Variants in MBOAT2 observed in about 807,000 individuals in gnomAD.
MBOAT2 encodes the protein membrane-bound glycerophospholipid O-acyltransferase 2.
In MBOAT2, 28 loss-of-function variants were observed where a neutral mutation model predicts 63.4. The ratio of observed to expected loss-of-function variants is 0.44; its 90% CI spans 0.33 to 0.61. The LOEUF is 0.61. MBOAT2 is among the 20% of genes least tolerant of loss of function. The probability of loss-of-function intolerance (pLI) is 0.03; values close to 1 mark genes in which losing one functional copy is unlikely to be tolerated. For missense variants in MBOAT2, 470 were observed against 605.8 expected, an observed-to-expected ratio of 0.78 and a Z score of 2.35; for synonymous variants, 211 against 215.6, an observed-to-expected ratio of 0.98 and a Z score of 0.19.
At chr2:8,910,536 G>T (rs1665641662) in intron 3 of MBOAT2, among the ~76,000 whole-genome samples, 1 of 152,148 alleles carries the variant, frequency 6.6e-6, no homozygotes, top group Non-Finnish European at 1.5e-5. Context: ...ACTGAAAATG[G>T]GGTGCTACTA....
intron 1 of MBOAT2, among the ~76,000 whole-genome samples, chr2:8,981,555 TC>T (rs755906811): frequency 3.9e-5 from 6 of 152,086 alleles, no homozygotes; most frequent in Non-Finnish European, 8.8e-5. Flanking sequence ...GACGATGCTC[TC>T]CCTTCCCAGG....
chr2:8,919,972 C>T (rs1666459822), intron 3 of MBOAT2, among the ~76,000 whole-genome samples: 1 of 152,056 alleles, frequency 6.6e-6, no homozygotes, highest in African/African-American at 2.4e-5. Context: ...CACTATGTTG[C>T]CCAGGCTGGT....
intron 8 of MBOAT2, among the ~76,000 whole-genome samples, chr2:8,869,035 T>C (rs948659256): frequency 5.3e-5 from 8 of 152,140 alleles, no homozygotes; most frequent in Non-Finnish European, 1.2e-4. Context: ...GAACCTACTC[T>C]GTGTATATGT....
At chr2:8,864,561 T>C (rs1661725602) in intron 9 of MBOAT2, among the ~76,000 whole-genome samples, 1 of 152,132 alleles carries the variant, frequency 6.6e-6, no homozygotes, top group Admixed American at 6.5e-5. Context: ...CCTCTCACAC[T>C]GAAAACTGGG....
intron 4 of MBOAT2, among the ~76,000 whole-genome samples, chr2:8,906,151 G>A (rs945839335): frequency 6.6e-6 from 1 of 152,082 alleles, no homozygotes; most frequent in African/African-American, 2.4e-5. Flanking sequence ...GTAGAGACAG[G>A]GTTTTGCCAT....
At chr2:8,963,914 G>C (rs1669804310) in intron 1 of MBOAT2, among the ~76,000 whole-genome samples, 1 of 152,174 alleles carries the variant, frequency 6.6e-6, no homozygotes, top group South Asian at 2.1e-4. Flanking sequence ...GCAGCGCACT[G>C]TGCTTTACAA....
chr2:8,959,827 G>C (rs1300096358), intron 1 of MBOAT2, among the ~76,000 whole-genome samples: 1 of 151,976 alleles, frequency 6.6e-6, no homozygotes, highest in African/African-American at 2.4e-5. Flanking sequence ...AGGCCTTAAA[G>C]TCTATAAATA....
At chr2:8,874,386 T>G (rs1273647269) in intron 7 of MBOAT2, among the ~76,000 whole-genome samples, 2 of 152,182 alleles carry the variant, frequency 1.3e-5, no homozygotes, top group South Asian at 4.1e-4. Flanking sequence ...ACCTATACAT[T>G]TGAATTATGA....
chr2:8,879,968 T>C (rs1003538095), intron 6 of MBOAT2, among the ~76,000 whole-genome samples: 4 of 151,950 alleles, frequency 2.6e-5, no homozygotes, highest in Non-Finnish European at 5.9e-5. Flanking sequence ...CAGTTAAGAA[T>C]GAATTGAGTG....
At chr2:8,970,697 C>T (rs1012837533) in intron 1 of MBOAT2, among the ~76,000 whole-genome samples, 1 of 152,096 alleles carries the variant, frequency 6.6e-6, no homozygotes, top group Non-Finnish European at 1.5e-5. Flanking sequence ...GATATCACCA[C>T]CGATCCCACA....
intron 1 of MBOAT2, among the ~76,000 whole-genome samples, chr2:8,994,562 C>T (rs1449527592): frequency 1.3e-5 from 2 of 152,216 alleles, no homozygotes; most frequent in Non-Finnish European, 2.9e-5. Context: ...TCTCTTCTCT[C>T]GGTCCTTCTC....
chr2:8,888,165 CACT>C, intron 4 of MBOAT2, 92 bp from the exon 5 acceptor site: 1 of 1,176,772 alleles, frequency 8.5e-7, no homozygotes, highest in Non-Finnish European at 1.2e-6. Context: ...CTGCTTTTAT[CACT>C]ACAAATCCTG....
intron 4 of MBOAT2, among the ~76,000 whole-genome samples, chr2:8,906,472 TGAAACCACAAGAAGGAAG>T (rs1442886444): frequency 6.6e-6 from 1 of 152,036 alleles, no homozygotes; most frequent in Non-Finnish European, 1.5e-5. Flanking sequence ...CTGAAGGAGG[TGAAACCACAAGAAGGAAG>T]GAGTCTGGTT....
At position 8,948,875 on chromosome 2, in the gene MBOAT2, G is replaced by A. The variant is rs79221655; in HGVS notation, c.222-5611C>T. Among the ~76,000 whole-genome samples, 543 of 152,274 alleles carry A rather than the reference G, an allele frequency of 3.6e-3. 3 individuals are homozygous for A. The highest frequency in any genetic ancestry group is 0.012 in the African/African-American group (515 of 41,566). On this transcript the variant is annotated intron_variant, in intron 2 of 12. Transcript: ENST00000305997. ...ATATACCCAGTAATGGGATTGCTGG[G>A]TCAAACGGTAGTTGTTTCAAGTTCT...
intron 3 of MBOAT2, among the ~76,000 whole-genome samples, chr2:8,930,095 T>C (rs1283107272): frequency 6.6e-6 from 1 of 152,140 alleles, no homozygotes; most frequent in East Asian, 1.9e-4. Flanking sequence ...ATTTGTAAAA[T>C]CTTGTGAGAT....
chr2:8,868,796 C>G (rs976011040), intron 8 of MBOAT2, among the ~76,000 whole-genome samples: 34 of 152,084 alleles, frequency 2.2e-4, no homozygotes, highest in African/African-American at 8.2e-4. Flanking sequence ...CTGCTGAGGA[C>G]CAATAGGTGA....
chr2:8,866,502 CA>C (rs1171927203), intron 9 of MBOAT2, among the ~76,000 whole-genome samples: 1 of 152,196 alleles, frequency 6.6e-6, no homozygotes, highest in African/African-American at 2.4e-5. Context: ...AAGAATATTT[CA>C]AAGCAAATAC....
At chr2:8,891,724 C>T (rs972798482) in intron 4 of MBOAT2, among the ~76,000 whole-genome samples, 53 of 152,220 alleles carry the variant, frequency 3.5e-4, no homozygotes, top group Admixed American at 1.2e-3. Flanking sequence ...CTCCTGTTTC[C>T]CTAGGATGGA....
intron 4 of MBOAT2, among the ~76,000 whole-genome samples, chr2:8,888,488 A>G (rs1163727702): frequency 6.6e-6 from 1 of 152,150 alleles, no homozygotes; most frequent in African/African-American, 2.4e-5. Context: ...TCAACTCCCT[A>G]TTCTAAAAAC....
Sources: gnomAD v4.1 joint callset for allele counts (sites outside exome capture counted in the v4.1 genomes callset) on GRCh38, gnomAD v4.1.1 for gene constraint, MANE v1.5 for transcripts, NCBI Gene and HGNC (gene_info 2026-07-23, HGNC 2026-07-21) for gene names.